DSC3: variants seen among roughly 807,000 people sequenced by gnomAD.
DSC3 encodes desmocollin 3, also known as desmocollin-3.
DSC3 carries 97 observed loss-of-function variants against 89.5 expected under a neutral mutation model. That is an observed-to-expected ratio of 1.08 (90% CI 0.92 to 1.28). The LOEUF is 1.28. Among genes scored for constraint, DSC3 ranks in the 50% most tolerant of loss-of-function variants. The pLI is 0.00. For synonymous variants in DSC3, 436 were observed against 384.1 expected (o/e 1.14, Z -1.58); for missense variants, 1,199 against 1,085.3 (o/e 1.10, Z -1.47).
intron 14 of DSC3, among the ~76,000 whole-genome samples, chr18:30,999,870 C>A (rs1984594339): frequency 6.6e-6 from 1 of 152,004 alleles, no homozygotes; most frequent in Non-Finnish European, 1.5e-5. Context: ...AATTCCAAGC[C>A]CCTTTTAGAA....
intron 11 of DSC3, among the ~76,000 whole-genome samples, 167 bp downstream of exon 11, chr18:31,007,848 GT>G (rs1984906513): frequency 6.6e-6 from 1 of 152,166 alleles, no homozygotes; most frequent in Non-Finnish European, 1.5e-5. Context: ...ACGGCTTCTT[GT>G]CACCAAACAG....
At position 31,011,170 on chromosome 18, in the gene DSC3, G is replaced by A. The variant is rs75298624; in HGVS notation, c.1264-2645C>T. On this transcript the variant is annotated intron_variant, in intron 9 of 15. Coordinates refer to ENST00000360428, the MANE Select transcript of DSC3 (RefSeq NM_001941.5). ...ACTACATCCTAGCTGTGTGGCATTG[G>A]GAAAGTTATTTAGTCTCTTTAACTC... Among the ~76,000 whole-genome samples, 471 of 152,256 alleles carry A rather than the reference G, an allele frequency of 3.1e-3. 3 individuals carry two copies. Among genetic ancestry groups the A allele is most frequent in the African/African-American group, 9.8e-3 (409 of 41,532 alleles).
rs77795347 is a variant in DSC3, at chr18:31,016,330, C to G, written c.1263+1741G>C. On this transcript the variant is annotated intron_variant, in intron 9 of 15. Coordinates refer to ENST00000360428, the MANE Select transcript of DSC3 (RefSeq NM_001941.5). ...CTTTGCTTTCACTTTACTCTACTGT[C>G]TTGCTCTTGAATTCTTTTCCAGGTG... Among the ~76,000 whole-genome samples, 1,466 of 152,322 alleles carry G rather than the reference C, an allele frequency of 9.6e-3. 28 individuals carry two copies. The highest frequency in any genetic ancestry group is 0.034 in the African/African-American group (1,406 of 41,586).
intron 15 of DSC3, among the ~76,000 whole-genome samples, 165 bp downstream of exon 15, chr18:30,996,625 CT>C (rs1488805498): frequency 6.6e-6 from 1 of 152,008 alleles, no homozygotes; most frequent in Non-Finnish European, 1.5e-5. Flanking sequence ...AATAAAATCT[CT>C]TTTAAATTAA....
chr18:31,022,037 T>C (rs1002525986), intron 7 of DSC3, among the ~76,000 whole-genome samples: 2 of 151,994 alleles, frequency 1.3e-5, no homozygotes, highest in African/African-American at 4.8e-5. Context: ...ACATGAAAAT[T>C]GAAACCTTTG....
At chr18:31,038,261 A>T (rs1986032310) in intron 1 of DSC3, among the ~76,000 whole-genome samples, 1 of 152,240 alleles carries the variant, frequency 6.6e-6, no homozygotes, top group Admixed American at 6.5e-5. Flanking sequence ...GAAACAATTT[A>T]CATAAAGTAC....
rs1984497517 is a variant in DSC3 at position 30,996,991 on chromosome 18, C to CTA, written c.2292_2293insTA (p.Gly765Ter). 6.2e-7 allele frequency: 1 copy of CTA among 1,614,060 alleles called. No homozygotes were observed. Among genetic ancestry groups the CTA allele is most frequent in the Non-Finnish European group, 8.5e-7 (1 of 1,180,010 alleles). The stretch of plus-strand genomic sequence containing the variant: ...TTTTTCATTCCTGATCCCATAGTAC[C>CTA]ACAAAAACCTTGGCTAGAGTTGTTG... On this transcript the variant is annotated frameshift_variant, in exon 15 of 16. Coordinates refer to ENST00000360428, the MANE Select transcript of DSC3 (RefSeq NM_001941.5). LOFTEE classifies it high-confidence loss of function.
Position 31,001,093 on chromosome 18 carries a change from A to G in DSC3, c.2235+525T>C, listed in dbSNP as rs374474732. ...TTATATATACTTTGTGTGTGTGTAT[A>G]TATATATATATATATATATACTTTA... On this transcript the variant is annotated intron_variant, in intron 14 of 15. Coordinates refer to ENST00000360428, the MANE Select transcript of DSC3 (RefSeq NM_001941.5). Among the ~76,000 whole-genome samples the G allele has an allele frequency of 1.7e-3, 213 of 125,140 alleles. 3 individuals are homozygous for G. The highest frequency in any genetic ancestry group is 0.016 in the Middle Eastern group (4 of 248). The allele number at this position is 125,140 out of a possible 152,430, so 82.1% of individuals were successfully genotyped here.
At chr18:31,025,956 A>T (rs1424876296) in intron 4 of DSC3, 41 bp from the exon 5 acceptor site, 11 of 1,555,860 alleles carry the variant, frequency 7.1e-6, no homozygotes, top group African/African-American at 1.4e-5. Context: ...TTAAAACTAA[A>T]TTCAGTTACA....
rs549489919 is a variant in DSC3, at chr18:31,037,697, C to T, written c.69+4895G>A. Among the ~76,000 whole-genome samples, 7 of 152,178 alleles carry T rather than the reference C, an allele frequency of 4.6e-5. No homozygotes were observed. The South Asian group carries it at 8.3e-4, about 18-fold the overall frequency. On this transcript the variant is annotated intron_variant, in intron 1 of 15. Coordinates refer to ENST00000360428, the MANE Select transcript of DSC3 (RefSeq NM_001941.5). ...CAGGCGGATCATGAGGTCAGGAGTT[C>T]GAGACATGCCGGACCAACATGGTGA...
chr18:31,032,722 A>G (rs1985842457), intron 1 of DSC3, among the ~76,000 whole-genome samples: 1 of 152,000 alleles, frequency 6.6e-6, no homozygotes, highest in Admixed American at 6.6e-5. Flanking sequence ...CAGCCTCCCA[A>G]GTAGCTGGGA....
intron 2 of DSC3, 39 bp from the exon 3 acceptor site, chr18:31,031,211 A>G (rs1049992202): frequency 2.2e-6 from 3 of 1,389,968 alleles, no homozygotes; most frequent in South Asian, 2.5e-5. Flanking sequence ...GTAAAAACAC[A>G]TGAGAAAAAA....
At chr18:31,008,574 G>A (rs56883876) in intron 9 of DSC3, 49 bp from the exon 10 acceptor site, 1 of 1,603,932 alleles carries the variant, frequency 6.2e-7, no homozygotes, top group Non-Finnish European at 8.5e-7. Context: ...AATACATCTG[G>A]CATTTCAAAT....
chr18:31,010,369 G>A (rs1403356470), intron 9 of DSC3, among the ~76,000 whole-genome samples: 2 of 152,150 alleles, frequency 1.3e-5, no homozygotes, highest in Non-Finnish European at 2.9e-5. Context: ...AATGAGAAAT[G>A]GATGGAAATT....
rs370398555 is a variant in DSC3, at chr18:31,024,446, G to C, written c.678C>G (p.Pro226=). The part of the protein sequence containing the change: ...STADGYSADL[P]LPLPIRVEDE... ...CCTCTACCCTGATGGGTAGTGGGAG[G>C]GGCAGATCTGCTGAATATCCATCTG... Residue 226 remains proline, a synonymous_variant, in exon 6 of 16, where the codon CCC becomes CCG. Transcript: ENST00000360428. The C allele has an allele frequency of 2.5e-6, 4 of 1,612,454 alleles. No homozygotes were observed. In the African/African-American group the frequency reaches 5.3e-5, roughly 22 times the overall value.
chr18:31,041,395 C>T (rs1986126107), intron 1 of DSC3, among the ~76,000 whole-genome samples: 2 of 152,214 alleles, frequency 1.3e-5, no homozygotes, highest in South Asian at 4.1e-4. Flanking sequence ...TTGTCCAATT[C>T]CTTCTCCATA....
At position 31,032,199 on chromosome 18, in the gene DSC3, A is replaced by AATT; in HGVS notation, c.144_146dup (p.Ile49dup). 6.2e-7 allele frequency: 1 copy of AATT among 1,611,938 alleles called. No homozygotes were observed. The highest frequency in any genetic ancestry group is 8.5e-7 in the Non-Finnish European group (1 of 1,178,052). ...ACTTTTAAAATTTCTCACCTCTGCC[A>AATT]ATTATTTTGTCTGCCTCTAGTTTAG... On this transcript the variant is annotated inframe_insertion, in exon 2 of 16. Transcript: ENST00000360428.
At chr18:31,001,793 T>TA in intron 13 of DSC3, 54 bp from the exon 14 acceptor site, 2 of 1,367,372 alleles carry the variant, frequency 1.5e-6, no homozygotes, top group Non-Finnish European at 2.0e-6. Context: ...TAGAATAAAA[T>TA]AATCATCATT....
At chr18:30,997,674 G>A (rs535410519) in intron 14 of DSC3, among the ~76,000 whole-genome samples, 1 of 152,178 alleles carries the variant, frequency 6.6e-6, no homozygotes, top group South Asian at 2.1e-4. Flanking sequence ...CTTATTCCAG[G>A]GAGAGAGAAA....
Sources: allele counts gnomAD v4.1 joint callset (sites outside exome capture counted in the v4.1 genomes callset), GRCh38; gene constraint gnomAD v4.1.1; transcripts MANE v1.5; gene names NCBI Gene and HGNC (gene_info 2026-07-23, HGNC 2026-07-21).